The following HDGFL3 variants were observed in gnomAD, a reference collection of about 807,000 sequenced individuals.
The protein encoded by HDGFL3 is HDGF like 3.
A neutral mutation model predicts 27.6 loss-of-function variants in HDGFL3; 6 were observed. The observed-to-expected ratio is 0.22, with a 90% CI of 0.12 to 0.43. HDGFL3 has a LOEUF of 0.43. HDGFL3 is among the 20% of genes least tolerant of loss of function. The pLI is 1.00. For missense variants in HDGFL3, 207 were observed against 250.1 expected (o/e 0.83, Z 1.16); for synonymous variants, 88 against 88.9 (o/e 0.99, Z 0.05).
At chr15:83,184,794 C>T (rs2037420386) in intron 1 of HDGFL3, 1 of 152,194 alleles carries the variant, frequency 6.6e-6, no homozygotes, top group Non-Finnish European at 1.5e-5. Context: ...CAATATGGAA[C>T]TACTCGAGCG....
chr15:83,195,149 C>T (rs904905683), intron 1 of HDGFL3, among the ~76,000 whole-genome samples: 1 of 152,136 alleles, frequency 6.6e-6, no homozygotes, highest in African/African-American at 2.4e-5. Flanking sequence ...CTCTTTTCCA[C>T]GCTCTTTCTT....
chr15:83,205,759 G>A (rs1011936698), intron 1 of HDGFL3, among the ~76,000 whole-genome samples: 1 of 152,098 alleles, frequency 6.6e-6, no homozygotes, highest in African/African-American at 2.4e-5. Context: ...ACAGATTCGG[G>A]GATTTTCTGA....
At chr15:83,171,052 ATTTTCT>A (rs959603543) in intron 1 of HDGFL3, among the ~76,000 whole-genome samples, 5 of 152,036 alleles carry the variant, frequency 3.3e-5, no homozygotes, top group African/African-American at 4.8e-5. Flanking sequence ...AATGGCTACT[ATTTTCT>A]TTTTATTATA....
intron 1 of HDGFL3, among the ~76,000 whole-genome samples, chr15:83,181,477 G>A (rs1414747756): frequency 6.6e-6 from 1 of 152,068 alleles, no homozygotes; most frequent in Non-Finnish European, 1.5e-5. Context: ...TTCAATTCTT[G>A]TAGTCACTTT....
At position 83,137,609 on chromosome 15, in the gene HDGFL3, A is replaced by G. The variant is rs564710980; in HGVS notation, c.*1661T>C. On this transcript the variant is annotated 3_prime_UTR_variant, in exon 6 of 6. Transcript: ENST00000299633. ...CGACATCCCTACTATCTTTTTATGA[A>G]CTTTTCATGTTTGGGATTGTATGTT... is the stretch of plus-strand genomic sequence containing the variant. 1 of 152,144 alleles carries G rather than the reference A, an allele frequency of 6.6e-6. No homozygotes were observed. The highest frequency in any genetic ancestry group is 2.1e-4 in the South Asian group (1 of 4,828). 9.4% of individuals were successfully genotyped at this position (152,144 alleles called of 1,614,324 possible). A position where few individuals can be genotyped will look rare whatever the true frequency, so the allele number is the denominator to read the frequency against.
chr15:83,189,973 A>G (rs1020243314), intron 1 of HDGFL3, among the ~76,000 whole-genome samples: 3 of 152,242 alleles, frequency 2.0e-5, no homozygotes, highest in African/African-American at 4.8e-5. Flanking sequence ...TGGGAGGCCA[A>G]TGTGGGATCA....
At chr15:83,121,627 A>G (rs762362477) in intron 3 of HDGFL3, among the ~76,000 whole-genome samples, 3 of 152,204 alleles carry the variant, frequency 2.0e-5, no homozygotes, top group Non-Finnish European at 4.4e-5. Flanking sequence ...TTTCACACAC[A>G]ATAGGGAAAT....
intron 5 of HDGFL3, among the ~76,000 whole-genome samples, chr15:83,145,981 G>A (rs1273316864): frequency 8.3e-6 from 1 of 121,064 alleles, no homozygotes; most frequent in East Asian, 3.0e-4. Context: ...CTCGATCTTG[G>A]CTCACTGCAA....
chr15:83,126,686 T>A, downstream of HDGFL3: 1 of 1,294,346 alleles, frequency 7.7e-7, no homozygotes, highest in Non-Finnish European at 1.1e-6. Context: ...CTGGCACATT[T>A]AGCCTTATCA....
At chr15:83,126,617 T>C (rs191583752), downstream of HDGFL3, 1,291 of 633,432 alleles carry the variant, frequency 2.0e-3, 12 homozygotes, top group South Asian at 0.014. Context: ...ATTTCCATCA[T>C]TGATGAGCCT....
At chr15:83,174,476 A>G (rs1464849857) in intron 1 of HDGFL3, among the ~76,000 whole-genome samples, 1 of 151,438 alleles carries the variant, frequency 6.6e-6, no homozygotes, top group Non-Finnish European at 1.5e-5. Context: ...AACCTTGTAT[A>G]TGTTACATTG....
At chr15:83,188,169 T>C (rs1007137303) in intron 1 of HDGFL3, among the ~76,000 whole-genome samples, 5 of 152,220 alleles carry the variant, frequency 3.3e-5, no homozygotes, top group Middle Eastern at 3.2e-3. Flanking sequence ...TTAAGCATCT[T>C]TTCATAAGTT....
At chr15:83,123,160 G>C (rs2035425837), downstream of HDGFL3, among the ~76,000 whole-genome samples, 1 of 152,220 alleles carries the variant, frequency 6.6e-6, no homozygotes. Flanking sequence ...CTGCATTAGT[G>C]TGTCAAGTGA....
intron 2 of HDGFL3, among the ~76,000 whole-genome samples, chr15:83,159,806 T>A (rs1029168209): frequency 6.6e-6 from 1 of 152,040 alleles, no homozygotes; most frequent in South Asian, 2.1e-4. Flanking sequence ...TAGAGTGAAA[T>A]GAGTGAAGGA....
At chr15:83,145,260 T>C (rs1273772764) in intron 5 of HDGFL3, among the ~76,000 whole-genome samples, 1 of 152,030 alleles carries the variant, frequency 6.6e-6, no homozygotes, top group Non-Finnish European at 1.5e-5. Flanking sequence ...TTTGCACAGG[T>C]CCTTTTACGG....
chr15:83,165,973 A>G (rs2037167296), intron 1 of HDGFL3, among the ~76,000 whole-genome samples: 1 of 152,084 alleles, frequency 6.6e-6, no homozygotes, highest in Non-Finnish European at 1.5e-5. Flanking sequence ...CAAAACAAAG[A>G]ATTACTGACA....
chr15:83,143,878 A>C (rs1863352546), intron 5 of HDGFL3, among the ~76,000 whole-genome samples: 1 of 152,122 alleles, frequency 6.6e-6, no homozygotes, highest in Non-Finnish European at 1.5e-5. Context: ...CCCTCCCTCC[A>C]GTTGTGTGGT....
intron 5 of HDGFL3, among the ~76,000 whole-genome samples, chr15:83,139,614 T>A (rs755152552): frequency 6.6e-6 from 1 of 152,230 alleles, no homozygotes; most frequent in Non-Finnish European, 1.5e-5. Flanking sequence ...GAGAAATTGA[T>A]ATAATCTATC....
chr15:83,197,194 G>A (rs963799457), intron 1 of HDGFL3, among the ~76,000 whole-genome samples: 1 of 152,186 alleles, frequency 6.6e-6, no homozygotes, highest in Non-Finnish European at 1.5e-5. Context: ...GGTCAGTGCT[G>A]AGCTGGAGAA....
Sources: gnomAD v4.1 joint callset for allele counts (sites outside exome capture counted in the v4.1 genomes callset) on GRCh38, gnomAD v4.1.1 for gene constraint, MANE v1.5 for transcripts, NCBI Gene and HGNC (gene_info 2026-07-23, HGNC 2026-07-21) for gene names.